ADGRB3: variants seen among roughly 807,000 people sequenced by gnomAD.
ADGRB3 encodes adhesion G protein-coupled receptor B3.
Under a neutral mutation model 193.4 loss-of-function variants are expected in ADGRB3, and 37 were observed. The observed-to-expected ratio is 0.19, with a 90% confidence interval of 0.15 to 0.25. The LOEUF (loss-of-function observed/expected upper bound fraction) is 0.25. Ranked by LOEUF, ADGRB3 falls within the 10% of genes least tolerant of loss-of-function variation. The pLI, the probability that ADGRB3 is intolerant of heterozygous loss-of-function variation, is 1.00. For synonymous variants in ADGRB3, 690 were observed against 644.2 expected (o/e 1.07, Z -1.08); for missense variants, 1,637 against 1,852.9 (o/e 0.88, Z 2.14).
intron 8 of ADGRB3, among the ~76,000 whole-genome samples, chr6:68,957,451 T>A (rs532439502): frequency 1.3e-5 from 2 of 152,312 alleles, no homozygotes; most frequent in Admixed American, 6.5e-5. Flanking sequence ...TAAGTGAAAG[T>A]CAGGATTTTA....
At chr6:68,661,506 T>C (rs1254039681) in intron 3 of ADGRB3, among the ~76,000 whole-genome samples, 1 of 87,190 alleles carries the variant, frequency 1.1e-5, no homozygotes, top group African/African-American at 5.1e-5. Context: ...TGTATACATA[T>C]ATATGTGTGT....
chr6:68,896,152 A>G lies in ADGRB3; in HGVS notation c.758-34407A>G, dbSNP rs1766212970. ...GGATAGGAATTTAGGTACAAGTAGTACTTGAAAGTTAGACTTCTCTTAGAA... is the reference window on the plus strand; with the variant it reads ...GGATAGGAATTTAGGTACAAGTAGTGCTTGAAAGTTAGACTTCTCTTAGAA... On this transcript the variant is annotated intron_variant, in intron 3 of 31. Coordinates refer to ENST00000370598, the MANE Select transcript of ADGRB3 (RefSeq NM_001704.3). Among the ~76,000 whole-genome samples the G allele has an allele frequency of 2.0e-5, 3 of 152,168 alleles. No individual in the cohort carries two copies. The South Asian group carries it at 6.2e-4, about 31-fold the overall frequency.
chr6:68,695,210 G>T (rs554492604), intron 3 of ADGRB3, among the ~76,000 whole-genome samples: 2 of 152,076 alleles, frequency 1.3e-5, no homozygotes, highest in East Asian at 1.9e-4. Flanking sequence ...TGACAAAGGG[G>T]AGCAATATGA....
intron 30 of ADGRB3, among the ~76,000 whole-genome samples, chr6:69,375,729 C>A (rs1160933130): frequency 6.6e-6 from 1 of 151,986 alleles, no homozygotes; most frequent in Admixed American, 6.6e-5. Context: ...AGTATCCATG[C>A]CATGTTAAAA....
intron 17 of ADGRB3, among the ~76,000 whole-genome samples, chr6:69,126,584 T>A (rs1773858292): frequency 6.6e-6 from 1 of 152,210 alleles, no homozygotes; most frequent in African/African-American, 2.4e-5. Context: ...ATTCACCTTT[T>A]CTGTTCTATC....
intron 17 of ADGRB3, among the ~76,000 whole-genome samples, chr6:69,166,662 GC>G (rs1309502979): frequency 6.6e-6 from 1 of 152,050 alleles, no homozygotes. Flanking sequence ...GCATCAATTT[GC>G]CACTCACTGT....
intron 3 of ADGRB3, among the ~76,000 whole-genome samples, chr6:68,787,172 C>G (rs1035325987): frequency 6.6e-6 from 1 of 152,094 alleles, no homozygotes; most frequent in Admixed American, 6.5e-5. Context: ...TTGCCCTGGC[C>G]AGAACTTCCA....
chr6:68,822,761 G>A (rs117295710), intron 3 of ADGRB3, among the ~76,000 whole-genome samples: 9 of 151,832 alleles, frequency 5.9e-5, no homozygotes, highest in Non-Finnish European at 1.2e-4. Flanking sequence ...AATAGAAATC[G>A]TCATTCAAAA....
chr6:69,216,438 C>T (rs1023410614), intron 17 of ADGRB3, among the ~76,000 whole-genome samples: 1 of 152,116 alleles, frequency 6.6e-6, no homozygotes, highest in African/African-American at 2.4e-5. Context: ...TTGTGGTTAT[C>T]AGAGGGTACT....
chr6:69,018,350 A>G (rs1770158304), intron 12 of ADGRB3, 41 bp from the exon 13 acceptor site: 3 of 1,317,728 alleles, frequency 2.3e-6, no homozygotes, highest in Non-Finnish European at 3.2e-6. Context: ...CATTGTATGT[A>G]TAGATTTTTT....
rs529485562 is a variant in ADGRB3 at position 68,805,180 on chromosome 6, G to A, written c.758-125379G>A. 3.1e-3 allele frequency among the ~76,000 whole-genome samples: 471 copies of A among 152,182 alleles called. 6 individuals carry two copies. Among genetic ancestry groups the A allele is most frequent in the African/African-American group, 0.011 (452 of 41,538 alleles). ...TCTAATTCCCGGCCTAAAGTGATCC[G>A]ACTGTCTGCTTTGGCCTCCCAAATT... On this transcript the variant is annotated intron_variant, in intron 3 of 31. Coordinates refer to ENST00000370598, the MANE Select transcript of ADGRB3 (RefSeq NM_001704.3).
At chr6:69,178,953 G>A (rs766169923) in intron 17 of ADGRB3, among the ~76,000 whole-genome samples, 10 of 152,034 alleles carry the variant, frequency 6.6e-5, no homozygotes, top group Non-Finnish European at 1.0e-4. Context: ...AGTATCTCAC[G>A]GGTGTTCTCT....
intron 17 of ADGRB3, among the ~76,000 whole-genome samples, chr6:69,127,988 C>T (rs1315969494): frequency 2.0e-5 from 3 of 151,768 alleles, no homozygotes; most frequent in East Asian, 1.9e-4. Context: ...GACACTAAAG[C>T]CATCTCTCTC....
At position 69,325,076 on chromosome 6, in the gene ADGRB3, C is replaced by T. The variant is rs2127309122; in HGVS notation, c.2965+54C>T. The T allele has an allele frequency of 1.9e-6, 3 of 1,559,180 alleles. No homozygotes were observed. In the South Asian group the frequency reaches 3.6e-5, roughly 19 times the overall value. ...TCTTCTCAAAATGACGTTGAACACA[C>T]ATTAGAAAGCAGTCATGAGTGATTA... On this transcript the variant is annotated intron_variant, in intron 21 of 31. Transcript: ENST00000370598.
At chr6:68,963,335 A>G (rs1424693330) in intron 8 of ADGRB3, among the ~76,000 whole-genome samples, 1 of 152,160 alleles carries the variant, frequency 6.6e-6, no homozygotes, top group African/African-American at 2.4e-5. Context: ...TACCCATATT[A>G]TGACAACACC....
At chr6:68,963,006 G>A (rs1768277468) in intron 8 of ADGRB3, among the ~76,000 whole-genome samples, 1 of 152,072 alleles carries the variant, frequency 6.6e-6, no homozygotes, top group Non-Finnish European at 1.5e-5. Context: ...GGGTAACTGG[G>A]GGAAACTTTT....
At chr6:69,212,946 A>G (rs1045034671) in intron 17 of ADGRB3, among the ~76,000 whole-genome samples, 1 of 152,148 alleles carries the variant, frequency 6.6e-6, no homozygotes, top group African/African-American at 2.4e-5. Flanking sequence ...AAAAAATATT[A>G]TCTTTTGCAA....
At chr6:69,016,025 C>T (rs995827410) in intron 12 of ADGRB3, among the ~76,000 whole-genome samples, 1 of 151,818 alleles carries the variant, frequency 6.6e-6, no homozygotes, top group Non-Finnish European at 1.5e-5. Context: ...GCCAGTGAGC[C>T]AAATCCAGCT....
rs1296580386 is a variant in ADGRB3 at position 68,956,724 on chromosome 6, G to A, written c.1440G>A (p.Arg480=). The A allele has an allele frequency of 1.9e-6, 3 of 1,613,942 alleles. No individual in the cohort carries two copies. In the African/African-American group the frequency reaches 4.0e-5, roughly 22 times the overall value. ...ATGGCGGCTGGGAAAGGCGAATAAGGACCTGTCAGGGTGCAGTGATAACAG... is the reference window on the plus strand; with the variant it reads ...ATGGCGGCTGGGAAAGGCGAATAAGAACCTGTCAGGGTGCAGTGATAACAG... ...SCDGGWERRI[R]TCQGAVITGQ... The change falls in exon 8 of 32, where the codon AGG becomes AGA. Residue 480 remains arginine, a synonymous_variant. Coordinates refer to ENST00000370598, the MANE Select transcript of ADGRB3 (RefSeq NM_001704.3).
Sources: allele counts gnomAD v4.1 joint callset (sites outside exome capture counted in the v4.1 genomes callset), GRCh38; gene constraint gnomAD v4.1.1; transcripts MANE v1.5; gene names NCBI Gene and HGNC (gene_info 2026-07-23, HGNC 2026-07-21).